The following AFF2 variants were observed in gnomAD, a reference collection of about 807,000 sequenced individuals.
The protein encoded by AFF2 is ALF transcription elongation factor 2.
Under a neutral mutation model 76.9 loss-of-function variants are expected in AFF2, and 14 were observed. The ratio of observed to expected loss-of-function variants is 0.18; its 90% CI spans 0.12 to 0.28. The LOEUF (loss-of-function observed/expected upper bound fraction) is 0.28, where lower values mean the gene tolerates loss of function less well. Ranked by LOEUF, AFF2 falls within the 10% of genes least tolerant of loss-of-function variation. The pLI is 1.00. For synonymous variants in AFF2, 398 were observed against 366.7 expected (o/e 1.09, Z -0.98); for missense variants, 868 against 1,001.1 (o/e 0.87, Z 1.79).
At chrX:148,723,090 C>A (rs2055113378) in intron 3 of AFF2, among the ~76,000 whole-genome samples, 1 of 111,789 alleles carries the variant, frequency 8.9e-6, no homozygotes, top group South Asian at 3.7e-4. Context: ...CTCCACCACA[C>A]AATGAGAAGT....
chrX:148,535,959 T>C (rs1280587648), intron 1 of AFF2, among the ~76,000 whole-genome samples: 2 of 112,012 alleles, frequency 1.8e-5, no homozygotes, highest in African/African-American at 6.5e-5. Context: ...CCCACATTTT[T>C]TCTTTAAGAA....
intron 3 of AFF2, among the ~76,000 whole-genome samples, chrX:148,781,208 A>T (rs2069739349): frequency 8.9e-6 from 1 of 111,786 alleles, no homozygotes; most frequent in South Asian, 3.8e-4. Flanking sequence ...GGTGTCAGGG[A>T]CCCACTTGAG....
chrX:148,922,068 C>T (rs1212215023), intron 9 of AFF2, among the ~76,000 whole-genome samples: 1 of 112,138 alleles, frequency 8.9e-6, no homozygotes, highest in Non-Finnish European at 1.9e-5. Context: ...ATTTTCATTG[C>T]TGCAACCATA....
intron 19 of AFF2, among the ~76,000 whole-genome samples, chrX:148,985,318 T>TTA (rs1557291393): frequency 2.4e-5 from 2 of 84,137 alleles, no homozygotes; most frequent in African/African-American, 9.4e-5. Context: ...TTTTTTTTTT[T>TTA]TATGATACAG....
intron 4 of AFF2, among the ~76,000 whole-genome samples, chrX:148,817,762 A>G (rs2124647170): frequency 8.9e-6 from 1 of 111,964 alleles, no homozygotes; most frequent in South Asian, 3.7e-4. Flanking sequence ...ACTTTAAAGG[A>G]TATACAATAT....
chrX:148,878,400 C>G (rs969066723), intron 7 of AFF2, among the ~76,000 whole-genome samples: 3 of 111,907 alleles, frequency 2.7e-5, no homozygotes, highest in Non-Finnish European at 5.6e-5. Context: ...CCCAGGCCAC[C>G]AACCTGTGTT....
chrX:148,905,801 G>A (rs782414574), intron 9 of AFF2, among the ~76,000 whole-genome samples: 2 of 112,605 alleles, frequency 1.8e-5, no homozygotes, highest in African/African-American at 6.4e-5. Flanking sequence ...CTATTCTAAT[G>A]GCCTAGAAGC....
At chrX:148,553,717 A>C (rs1016073824) in intron 1 of AFF2, among the ~76,000 whole-genome samples, 4 of 110,994 alleles carry the variant, frequency 3.6e-5, no homozygotes, top group Admixed American at 9.5e-5. Context: ...TGTGTCCTCA[A>C]CTCATTCTTT....
chrX:148,561,255 A>G (rs1352511904), intron 1 of AFF2, among the ~76,000 whole-genome samples: 3 of 112,075 alleles, frequency 2.7e-5, no homozygotes, highest in Non-Finnish European at 5.6e-5. Context: ...CAATTTTCCT[A>G]AATATAACCT....
intron 9 of AFF2, among the ~76,000 whole-genome samples, chrX:148,908,627 T>C (rs1318641896): frequency 8.9e-6 from 1 of 111,954 alleles, no homozygotes; most frequent in African/African-American, 3.3e-5. Context: ...TTTTTGAGCA[T>C]ACAATGAAAA....
intron 3 of AFF2, among the ~76,000 whole-genome samples, chrX:148,784,761 T>C (rs1322958310): frequency 8.9e-6 from 1 of 111,868 alleles, no homozygotes; most frequent in African/African-American, 3.3e-5. Flanking sequence ...ATTATTCAAA[T>C]AGTGGGGGCA....
intron 1 of AFF2, among the ~76,000 whole-genome samples, chrX:148,559,994 T>G (rs1040802124): frequency 8.9e-6 from 1 of 112,299 alleles, no homozygotes; most frequent in South Asian, 3.7e-4. Context: ...TGGTATCTCA[T>G]TGTGGTTTTT....
intron 3 of AFF2, among the ~76,000 whole-genome samples, chrX:148,704,441 T>G (rs185613696): frequency 3.6e-4 from 2 of 5,605 alleles, no homozygotes; most frequent in African/African-American, 8.4e-4. Context: ...TATATGTGTA[T>G]ATATATATTT....
intron 1 of AFF2, among the ~76,000 whole-genome samples, chrX:148,507,855 A>G (rs1292327441): frequency 8.9e-6 from 1 of 112,150 alleles, no homozygotes; most frequent in Non-Finnish European, 1.9e-5. Flanking sequence ...AAAAAATGAC[A>G]TGATTTAAGC....
chrX:148,805,346 C>G (rs1440274767), intron 3 of AFF2, among the ~76,000 whole-genome samples: 1 of 111,531 alleles, frequency 9.0e-6, no homozygotes, highest in Non-Finnish European at 1.9e-5. Context: ...GGACCGCCCT[C>G]AGGATGATTT....
intron 8 of AFF2, among the ~76,000 whole-genome samples, chrX:148,895,595 G>A (rs868983611): frequency 3.3e-5 from 3 of 90,235 alleles, no homozygotes; most frequent in Non-Finnish European, 7.2e-5. Context: ...GTGTGTGTGT[G>A]TGTAAGAGAG....
chrX:148,870,447 A>G (rs782409039), intron 7 of AFF2, among the ~76,000 whole-genome samples: 11 of 112,560 alleles, frequency 9.8e-5, no homozygotes, highest in African/African-American at 3.5e-4. Context: ...TTTTCTCAGC[A>G]TCTTTGACCA....
intron 4 of AFF2, among the ~76,000 whole-genome samples, chrX:148,832,274 G>C (rs1353536486): frequency 1.8e-5 from 2 of 112,442 alleles, no homozygotes; most frequent in African/African-American, 6.5e-5. Flanking sequence ...CAGTTACCAT[G>C]ACTTGTGAGT....
intron 1 of AFF2, among the ~76,000 whole-genome samples, chrX:148,501,978 G>A (rs1557231941): frequency 1.8e-5 from 2 of 112,341 alleles, no homozygotes; most frequent in African/African-American, 6.5e-5. Flanking sequence ...AAAGATGGTA[G>A]AAAGGTGACT....
Sources: allele counts gnomAD v4.1 joint callset (sites outside exome capture counted in the v4.1 genomes callset), GRCh38; gene constraint gnomAD v4.1.1; transcripts MANE v1.5; gene names NCBI Gene and HGNC (gene_info 2026-07-23, HGNC 2026-07-21).